The following CACNA2D1 variants were observed in gnomAD, a reference collection of about 807,000 sequenced individuals.
CACNA2D1 encodes calcium voltage-gated channel auxiliary subunit alpha2delta 1, also known as voltage-dependent calcium channel subunit alpha-2/delta-1.
CACNA2D1 carries 53 observed loss-of-function variants against 171.5 expected under a neutral mutation model. That is an observed-to-expected ratio of 0.31 (90% CI 0.25 to 0.39). The LOEUF is 0.39. Among genes scored for constraint, CACNA2D1 ranks in the 10% least tolerant of loss-of-function variants. The pLI is 1.00. For missense variants in CACNA2D1, 903 were observed against 1,299.8 expected (o/e 0.69, Z 4.69); for synonymous variants, 442 against 443.1 (o/e 1.00, Z 0.03).
At chr7:82,138,450 T>TTTTTTTG (rs1791963865) in intron 4 of CACNA2D1, among the ~76,000 whole-genome samples, 1 of 15,604 alleles carries the variant, frequency 6.4e-5, no homozygotes, top group African/African-American at 8.3e-4. Context: ...GTTTTTTTTG[T>TTTTTTTG]TTTTTTTTTT....
chr7:82,292,485 A>G (rs1811768241), intron 3 of CACNA2D1, among the ~76,000 whole-genome samples: 2 of 152,154 alleles, frequency 1.3e-5, no homozygotes, highest in Non-Finnish European at 2.9e-5. Flanking sequence ...GTGCATCGGG[A>G]AAACAATTTT....
At chr7:82,138,452 T>G (rs1184764157) in intron 4 of CACNA2D1, among the ~76,000 whole-genome samples, 7 of 91,664 alleles carry the variant, frequency 7.6e-5, no homozygotes, top group South Asian at 8.2e-4. Context: ...TTTTTTTGTT[T>G]TTTTTTTTTT....
intron 1 of CACNA2D1, among the ~76,000 whole-genome samples, chr7:82,356,190 G>A (rs762750024): frequency 7.2e-5 from 11 of 152,160 alleles, no homozygotes; most frequent in South Asian, 6.2e-4. Context: ...ACTAGGGTTC[G>A]TCTTTCACTG....
chr7:82,400,166 G>C lies in CACNA2D1; in HGVS notation c.95+43199C>G, dbSNP rs957490846. ...CTCCAGCTTTGTTCTTTTGGCTTAG[G>C]ATTGACTTGGCGATGCGGGCTCTTT... is the stretch of plus-strand genomic sequence containing the variant. On this transcript the variant is annotated intron_variant, in intron 1 of 38. Transcript: ENST00000356860. 1.1e-4 allele frequency among the ~76,000 whole-genome samples: 16 copies of C among 150,852 alleles called. No homozygotes were observed. The South Asian group carries it at 2.1e-3, about 20-fold the overall frequency.
chr7:82,438,669 G>A (rs925522596), intron 1 of CACNA2D1, among the ~76,000 whole-genome samples: 5 of 152,172 alleles, frequency 3.3e-5, no homozygotes, highest in African/African-American at 4.8e-5. Flanking sequence ...GGGAACAGTC[G>A]TGGTACTGCT....
chr7:82,074,985 T>C (rs1243643371), intron 7 of CACNA2D1, among the ~76,000 whole-genome samples: 1 of 152,090 alleles, frequency 6.6e-6, no homozygotes, highest in Admixed American at 6.6e-5. Context: ...CTACATTAGG[T>C]ATTTTTCCTC....
In CACNA2D1 at chr7:81,974,871, C is replaced by T. The variant is rs193189430; in HGVS notation, c.1956-319G>A. On this transcript the variant is annotated intron_variant, in intron 24 of 38. Coordinates refer to ENST00000356860, the MANE Select transcript of CACNA2D1 (RefSeq NM_000722.4). Reference sequence around the variant, plus strand: ...AATTAAAACAGAAATCTTGGGGCATCGGGGGCAAGGGGAGGGACAGCATTA... The same window carrying T: ...AATTAAAACAGAAATCTTGGGGCATTGGGGGCAAGGGGAGGGACAGCATTA... Among the ~76,000 whole-genome samples the T allele has an allele frequency of 3.8e-3, 572 of 151,694 alleles. 1 individual carries two copies. Among genetic ancestry groups the T allele is most frequent in the African/African-American group, 0.013 (536 of 41,314 alleles).
chr7:82,230,505 T>C (rs1260248921), intron 3 of CACNA2D1, among the ~76,000 whole-genome samples: 1 of 152,210 alleles, frequency 6.6e-6, no homozygotes, highest in African/African-American at 2.4e-5. Context: ...TAAGACTGCA[T>C]ATGTTTCACT....
intron 1 of CACNA2D1, among the ~76,000 whole-genome samples, chr7:82,372,039 T>C (rs1822477765): frequency 6.6e-6 from 1 of 152,186 alleles, no homozygotes; most frequent in Non-Finnish European, 1.5e-5. Flanking sequence ...ATAGGCCTAG[T>C]ATGTTGTACA....
At position 82,106,463 on chromosome 7, in the gene CACNA2D1, T is replaced by C. The variant is rs1787771037; in HGVS notation, c.526+10581A>G. ...CACTTCTGATTTCCAGCTGTCAATT[T>C]ATAGAGGCACTGAATTTTGCACACA... On this transcript the variant is annotated intron_variant, in intron 6 of 38. Transcript: ENST00000356860. 2.0e-5 allele frequency among the ~76,000 whole-genome samples: 3 copies of C among 152,300 alleles called. No individual in the cohort carries two copies. In the South Asian group the frequency reaches 6.2e-4, roughly 32 times the overall value.
At chr7:82,057,693 A>T (rs1325491482) in intron 10 of CACNA2D1, among the ~76,000 whole-genome samples, 4 of 152,082 alleles carry the variant, frequency 2.6e-5, no homozygotes, top group African/African-American at 9.7e-5. Context: ...GGTTGGAGAT[A>T]ACTGTGAATG....
intron 1 of CACNA2D1, among the ~76,000 whole-genome samples, chr7:82,359,788 G>A (rs895616017): frequency 1.3e-5 from 2 of 152,142 alleles, no homozygotes; most frequent in African/African-American, 4.8e-5. Flanking sequence ...TTGAATGGAT[G>A]GGCCATAGCT....
chr7:82,244,172 T>C (rs149055164), intron 3 of CACNA2D1, among the ~76,000 whole-genome samples: 2,210 of 152,250 alleles, frequency 0.015, 34 homozygotes, highest in Middle Eastern at 0.061. Flanking sequence ...GGAAACAACA[T>C]GCATTCTTGT....
intron 20 of CACNA2D1, among the ~76,000 whole-genome samples, chr7:81,993,394 T>A (rs1797746949): frequency 6.6e-6 from 1 of 152,154 alleles, no homozygotes; most frequent in Admixed American, 6.5e-5. Flanking sequence ...CTATAATTCC[T>A]ACAACAACCA....
chr7:81,950,570 TTAG>T, intron 38 of CACNA2D1, 62 bp from the exon 39 acceptor site: 1 of 1,540,386 alleles, frequency 6.5e-7, no homozygotes, highest in South Asian at 1.2e-5. Context: ...TGAAAAATAT[TTAG>T]TAACACATCT....
intron 12 of CACNA2D1, among the ~76,000 whole-genome samples, chr7:82,014,829 A>G (rs1302525955): frequency 1.3e-5 from 2 of 152,128 alleles, no homozygotes; most frequent in Non-Finnish European, 2.9e-5. Flanking sequence ...CCAGGCGGGC[A>G]GATCACCTGA....
At position 82,128,230 on chromosome 7, in the gene CACNA2D1, G is replaced by A. The variant is rs991683383; in HGVS notation, c.396+8405C>T. The stretch of plus-strand genomic sequence containing the variant: ...CAGGTGTGCACCACAACGCCTGGCC[G>A]CTACCTGTGTTTTTAAGTTTCAAGA... On this transcript the variant is annotated intron_variant, in intron 5 of 38. Transcript: ENST00000356860. Among the ~76,000 whole-genome samples the A allele has an allele frequency of 5.3e-5, 8 of 151,792 alleles. No individual in the cohort carries two copies. In the East Asian group the frequency reaches 1.2e-3, roughly 22 times the overall value.
intron 1 of CACNA2D1, 43 bp from the exon 2 acceptor site, chr7:82,349,692 A>C: frequency 6.9e-7 from 1 of 1,440,520 alleles, no homozygotes; most frequent in Non-Finnish European, 9.8e-7. Context: ...GATCTCTGGC[A>C]AATAAAAGTC....
At chr7:82,120,902 A>AAC (rs1789661591) in intron 5 of CACNA2D1, among the ~76,000 whole-genome samples, 2 of 150,654 alleles carry the variant, frequency 1.3e-5, no homozygotes, top group Admixed American at 1.3e-4. Context: ...AGAATGTTTA[A>AAC]ACATTACTTT....
Sources: allele counts gnomAD v4.1 joint callset (sites outside exome capture counted in the v4.1 genomes callset), GRCh38; gene constraint gnomAD v4.1.1; transcripts MANE v1.5; gene names NCBI Gene and HGNC (gene_info 2026-07-23, HGNC 2026-07-21).